The following NOD2 variants were observed in gnomAD, a reference collection of about 807,000 sequenced individuals.
NOD2 encodes the protein nucleotide binding oligomerization domain containing 2, also known as nucleotide-binding oligomerization domain-containing protein 2.
A neutral mutation model predicts 90.9 loss-of-function variants in NOD2; 86 were observed. That is an observed-to-expected ratio of 0.95 (90% CI 0.79 to 1.13). NOD2 has a LOEUF of 1.13. Ranked by LOEUF, NOD2 falls within the 50% of genes most tolerant of loss-of-function variation. NOD2 has a pLI of 0.00. For missense variants in NOD2, 1,238 were observed against 1,283.8 expected, an observed-to-expected ratio of 0.96 and a Z score of 0.55; for synonymous variants, 581 against 554.6, an observed-to-expected ratio of 1.05 and a Z score of -0.67.
In NOD2 at chr16:50,729,780, A is replaced by G. The variant is rs763772690; in HGVS notation, c.2886-38A>G. On this transcript the variant is annotated intron_variant, in intron 10 of 11. Coordinates refer to ENST00000647318, the MANE Select transcript of NOD2 (RefSeq NM_001370466.1). ...CTGGACAGTTTCAAGAGGAAAACCA[A>G]GAATCCTTGAAGCTCACCATTGTAT... 3 of 1,573,470 alleles carry G rather than the reference A, an allele frequency of 1.9e-6. No individual in the cohort carries two copies. The Admixed American group carries it at 5.0e-5, about 26-fold the overall frequency.
chr16:50,716,502 G>A, intron 4 of NOD2, 85 bp from the exon 5 acceptor site: 2 of 1,284,362 alleles, frequency 1.6e-6, no homozygotes, highest in Non-Finnish European at 2.2e-6. Context: ...CTTCAGGGAT[G>A]AATGAAAGTC....
At chr16:50,722,395 G>A (rs1965098859) in intron 7 of NOD2, among the ~76,000 whole-genome samples, 1 of 152,198 alleles carries the variant, frequency 6.6e-6, no homozygotes, top group Admixed American at 6.5e-5. Flanking sequence ...CTCTAAGTCT[G>A]TAATGTAAAG....
Position 50,699,806 on chromosome 16 carries a change from C to A in NOD2, c.311C>A (p.Ala104Asp). The A allele has an allele frequency of 1.9e-6, 3 of 1,613,710 alleles. No homozygotes were observed. The part of the protein sequence containing the change: ...GCWDPHSLHP[A>D]RDLQSHRPAI... ...TGGGACCCCCACTCGCTCCACCCAG[C>A]CCGAGACCTGCAGAGTCACCGGCCA... The change falls in exon 2 of 12, where the codon GCC (alanine) becomes GAC (aspartate). Residue 104 changes from alanine (A) to aspartate (D), a missense_variant. Physicochemically the swap from Ala to Asp is moderately radical, Grantham distance 126. This residue lies in a region of NOD2 where 567 missense variants were observed against 577.3 expected (regional missense o/e 0.98). Coordinates refer to ENST00000647318, the MANE Select transcript of NOD2 (RefSeq NM_001370466.1).
At chr16:50,696,718 G>A (rs2150775385) in intron 1 of NOD2, among the ~76,000 whole-genome samples, 1 of 152,318 alleles carries the variant, frequency 6.6e-6, no homozygotes, top group East Asian at 1.9e-4. Flanking sequence ...TCAGAGACAG[G>A]GCCTGGCTGA....
At chr16:50,708,902 G>A (rs1216204949) in intron 3 of NOD2, among the ~76,000 whole-genome samples, 3 of 152,340 alleles carry the variant, frequency 2.0e-5, no homozygotes, top group East Asian at 3.9e-4. Flanking sequence ...TGCGCGGCAC[G>A]GAGTGCAGGC....
At chr16:50,719,612 T>G in intron 6 of NOD2, 1 of 485,828 alleles carries the variant, frequency 2.1e-6, no homozygotes, top group South Asian at 1.8e-5. Context: ...GAGGGAAAGG[T>G]GTGACCCTGA....
chr16:50,728,769 A>G (rs1965352879), intron 10 of NOD2, among the ~76,000 whole-genome samples: 2 of 152,184 alleles, frequency 1.3e-5, no homozygotes, highest in African/African-American at 4.8e-5. Flanking sequence ...GCAACCTGGG[A>G]AACACATGAC....
chr16:50,701,055 G>A lies in NOD2; in HGVS notation c.459+1101G>A, dbSNP rs79250217. On this transcript the variant is annotated intron_variant, in intron 2 of 11. Coordinates refer to ENST00000647318, the MANE Select transcript of NOD2 (RefSeq NM_001370466.1). The stretch of plus-strand genomic sequence containing the variant: ...TCATTAACATTCCACTTTATAAATC[G>A]GGAAGTTGAGACCAAGGAAAGTAGT... 2.5e-3 allele frequency among the ~76,000 whole-genome samples: 378 copies of A among 152,268 alleles called. 2 individuals are homozygous for A. Among genetic ancestry groups the A allele is most frequent in the East Asian group, 0.024 (125 of 5,182 alleles).
chr16:50,725,060 A>G (rs1023950539), intron 9 of NOD2, among the ~76,000 whole-genome samples: 2 of 152,158 alleles, frequency 1.3e-5, no homozygotes, highest in Non-Finnish European at 2.9e-5. Context: ...CTCTCCTTTA[A>G]AAAGCATTCC....
At chr16:50,700,363 A>G (rs1175818581) in intron 2 of NOD2, among the ~76,000 whole-genome samples, 3 of 152,076 alleles carry the variant, frequency 2.0e-5, no homozygotes, top group African/African-American at 7.2e-5. Flanking sequence ...GCTTTAAGCA[A>G]TCCTCCCGCC....
intron 11 of NOD2, 82 bp from the exon 12 acceptor site, chr16:50,731,665 T>G: frequency 1.0e-6 from 1 of 973,568 alleles, no homozygotes; most frequent in Non-Finnish European, 1.7e-6. Context: ...CAGGCATGGG[T>G]TTAAAAAGTG....
intron 6 of NOD2, 97 bp downstream of exon 6, chr16:50,717,071 C>A: frequency 1.0e-6 from 1 of 991,452 alleles, no homozygotes. Flanking sequence ...CACACTGGCT[C>A]CTGACCTCCT....
At position 50,711,886 on chromosome 16, in the gene NOD2, G is replaced by A. The variant is rs570167996; in HGVS notation, c.1894G>A (p.Val632Met). 3.9e-5 allele frequency: 62 copies of A among 1,608,960 alleles called. No individual in the cohort carries two copies. Among genetic ancestry groups the A allele is most frequent in the South Asian group, 2.9e-4 (26 of 90,970 alleles). ...IQASEGKDSS[V>M]AALLQKAEPH... is the part of the protein sequence containing the mutation. ...GGCCTCGGAGGGAAAGGACAGCAGCGTGGCAGCTTTGCTGCAGAAGGCCGA... is the reference window on the plus strand; with the variant it reads ...GGCCTCGGAGGGAAAGGACAGCAGCATGGCAGCTTTGCTGCAGAAGGCCGA... The change falls in exon 4 of 12, where the codon GTG becomes ATG. Residue 632 changes from valine (V) to methionine (M), a missense_variant. This residue lies in a region of NOD2 where 667 missense variants were observed against 688.7 expected (regional missense o/e 0.97). Transcript: ENST00000647318.
At chr16:50,701,442 T>G (rs1963934615) in intron 2 of NOD2, among the ~76,000 whole-genome samples, 1 of 152,248 alleles carries the variant, frequency 6.6e-6, no homozygotes, top group Non-Finnish European at 1.5e-5. Flanking sequence ...TAAATAAATT[T>G]GTCTTCAAGG....
In NOD2 at chr16:50,732,167, A is replaced by T; in HGVS notation, c.*348A>T. The T allele has an allele frequency of 2.5e-6, 1 of 397,430 alleles. No homozygotes were observed. Among genetic ancestry groups the T allele is most frequent in the East Asian group, 5.6e-5 (1 of 17,832 alleles). 24.6% of individuals were successfully genotyped at this position (397,430 alleles called of 1,614,324 possible). On this transcript the variant is annotated 3_prime_UTR_variant, in exon 12 of 12. Coordinates refer to ENST00000647318, the MANE Select transcript of NOD2 (RefSeq NM_001370466.1). ...GTGGGGCCCATGGATGTGCTTGTTAACTGAGTGCCTTTTGGTGGAGAGGCC... is the reference window on the plus strand; with the variant it reads ...GTGGGGCCCATGGATGTGCTTGTTATCTGAGTGCCTTTTGGTGGAGAGGCC...
rs781166995 is a variant in NOD2 at position 50,699,563 on chromosome 16, T to C, written c.68T>C (p.Leu23Pro). Residue 23 changes from leucine (L) to proline (P), a missense_variant, in exon 2 of 12, where the codon CTG becomes CCG. Physicochemically the swap from Leu to Pro is moderately conservative, Grantham distance 98. Coordinates refer to ENST00000647318, the MANE Select transcript of NOD2 (RefSeq NM_001370466.1). ...QLVELLVSGS[L>P]EGFESVLDWL... ...GTCGAGCTGCTGGTCTCAGGGTCCC[T>C]GGAAGGCTTCGAGAGTGTCCTGGAC... is the stretch of plus-strand genomic sequence containing the variant. 5 of 1,614,054 alleles carry C rather than the reference T, an allele frequency of 3.1e-6. No homozygotes were observed. Among genetic ancestry groups the C allele is most frequent in the Non-Finnish European group, 4.2e-6 (5 of 1,179,968 alleles).
At chr16:50,708,372 C>T (rs192508483) in intron 3 of NOD2, among the ~76,000 whole-genome samples, 86 of 152,286 alleles carry the variant, frequency 5.6e-4, no homozygotes, top group African/African-American at 2.0e-3. Context: ...GATCTAGAGA[C>T]TCTGGTATCC....
chr16:50,704,186 G>T (rs1964074608), intron 2 of NOD2, among the ~76,000 whole-genome samples: 1 of 152,202 alleles, frequency 6.6e-6, no homozygotes, highest in Non-Finnish European at 1.5e-5. Context: ...TTGAGTCACT[G>T]CTCCATTTTG....
At chr16:50,696,115 G>T (rs1963634661) in intron 1 of NOD2, among the ~76,000 whole-genome samples, 1 of 152,216 alleles carries the variant, frequency 6.6e-6, no homozygotes, top group Non-Finnish European at 1.5e-5. Context: ...CCCCAGCAGA[G>T]ACTCAGGACA....
Sources: allele counts gnomAD v4.1 joint callset (sites outside exome capture counted in the v4.1 genomes callset), GRCh38; gene constraint gnomAD v4.1.1; regional missense constraint gnomAD v4.1.1; transcripts MANE v1.5; gene names NCBI Gene and HGNC (gene_info 2026-07-23, HGNC 2026-07-21).